The following KIF3B variants were observed in gnomAD, a reference collection of about 807,000 sequenced individuals.
KIF3B encodes the protein kinesin-like protein KIF3B.
A neutral mutation model predicts 74.3 loss-of-function variants in KIF3B; 38 were observed. The ratio of observed to expected loss-of-function variants is 0.51; its 90% confidence interval spans 0.39 to 0.67. KIF3B has a LOEUF of 0.67. Among genes scored for constraint, KIF3B ranks in the 30% least tolerant of loss-of-function variants. The probability of loss-of-function intolerance (pLI) is 0.00; values close to 1 mark genes in which losing one functional copy is unlikely to be tolerated. For synonymous variants in KIF3B, 326 were observed against 342.5 expected (o/e 0.95, Z 0.53); for missense variants, 649 against 932.0 (o/e 0.70, Z 3.95).
chr20:32,334,832 A>G lies in KIF3B; in HGVS notation c.*3513A>G, dbSNP rs17123202. 1,318 of 152,502 alleles carry G rather than the reference A, an allele frequency of 8.6e-3. 36 individuals carry two copies. The highest frequency in any genetic ancestry group is 0.072 in the East Asian group (373 of 5,178). The allele number at this position is 152,502 out of a possible 1,614,324, so 9.4% of individuals were successfully genotyped here. ...GTGGGCTTCATGGCTCCTTGAAGTTATTACTGATCTTGACCTTCTCTTTGG... is the reference window on the plus strand; with the variant it reads ...GTGGGCTTCATGGCTCCTTGAAGTTGTTACTGATCTTGACCTTCTCTTTGG... On this transcript the variant is annotated 3_prime_UTR_variant, in exon 9 of 9. Transcript: ENST00000375712.
chr20:32,309,651 T>C, intron 1 of KIF3B, 62 bp from the exon 2 acceptor site: 1 of 1,041,986 alleles, frequency 9.6e-7, no homozygotes, highest in Non-Finnish European at 1.4e-6. Flanking sequence ...GTGTGTCAGC[T>C]TCTGTCAGGC....
chr20:32,323,839 C>T (rs56375111), intron 5 of KIF3B, among the ~76,000 whole-genome samples: 2 of 152,080 alleles, frequency 1.3e-5, no homozygotes, highest in Admixed American at 1.3e-4. Context: ...GATTGTGCCA[C>T]TGCACTCCAG....
intron 7 of KIF3B, among the ~76,000 whole-genome samples, chr20:32,329,801 CTT>C (rs1269713766): frequency 1.3e-5 from 2 of 151,896 alleles, no homozygotes; most frequent in African/African-American, 4.8e-5. Context: ...CAATAGGGAA[CTT>C]GTATTATTTT....
intron 1 of KIF3B, among the ~76,000 whole-genome samples, chr20:32,299,403 A>ATATATATATATATATTTTTTTTTT (rs1555895046): frequency 1.1e-4 from 1 of 9,026 alleles, no homozygotes; most frequent in African/African-American, 6.1e-4. Flanking sequence ...ATATATATAT[A>ATATATATATATATATTTTTTTTTT]TTTTTTTTTT....
chr20:32,325,651 C>CTT (rs2047899069), intron 5 of KIF3B, among the ~76,000 whole-genome samples: 12 of 101,080 alleles, frequency 1.2e-4, no homozygotes, highest in Non-Finnish European at 2.0e-4. Context: ...CTCTCTCTCT[C>CTT]TCTCTTTTTT....
At chr20:32,313,252 A>G (rs1355429570) in intron 2 of KIF3B, among the ~76,000 whole-genome samples, 1 of 152,156 alleles carries the variant, frequency 6.6e-6, no homozygotes, top group Non-Finnish European at 1.5e-5. Flanking sequence ...AGGAGAGTGC[A>G]AAGGTAGACT....
Position 32,309,718 on chromosome 20 carries a change from T to C in KIF3B, c.-60T>C, listed in dbSNP as rs1382649171. 1.0e-5 allele frequency: 16 copies of C among 1,559,558 alleles called. No individual in the cohort carries two copies. The Admixed American group carries it at 3.0e-4, about 29-fold the overall frequency. On this transcript the variant is annotated 5_prime_UTR_variant, in exon 2 of 9. The change abolishes the stop of an existing upstream ORF in the 5' untranslated region. Coordinates refer to ENST00000375712, the MANE Select transcript of KIF3B (RefSeq NM_004798.4). Reference sequence around the variant, plus strand: ...TACTTTTGCTTTTTCTCTAGGACCGTAGCATCCTGAGACATTTTGAATTGA... The same window carrying C: ...TACTTTTGCTTTTTCTCTAGGACCGCAGCATCCTGAGACATTTTGAATTGA...
rs2047870016 is a variant in KIF3B at position 32,322,714 on chromosome 20, A to ATT, written c.1749-4056_1749-4055insTT. ...TTTATATATATTTATATATTTATAT[A>ATT]TATTTATATTTATTTATTTATATAT... is the stretch of plus-strand genomic sequence containing the variant. On this transcript the variant is annotated intron_variant, in intron 5 of 8. Transcript: ENST00000375712. Among the ~76,000 whole-genome samples, 3 of 67,870 alleles carry ATT rather than the reference A, an allele frequency of 4.4e-5. 1 individual carries two copies. The highest frequency in any genetic ancestry group is 5.4e-4 in the Admixed American group (2 of 3,704). The allele number at this position is 67,870 out of a possible 152,430, so 44.5% of individuals were successfully genotyped here.
chr20:32,330,543 G>A lies in KIF3B; in HGVS notation c.2147+224G>A, dbSNP rs372951129. Among the ~76,000 whole-genome samples the A allele has an allele frequency of 6.5e-4, 99 of 152,290 alleles. 1 individual carries two copies. The highest frequency in any genetic ancestry group is 2.2e-3 in the African/African-American group (93 of 41,554). ...TAATGTCCCCAGTCCCTTACTATAA[G>A]GTGAATGTGTTCTAGTGAAATAGCA... On this transcript the variant is annotated intron_variant, in intron 8 of 8. Coordinates refer to ENST00000375712, the MANE Select transcript of KIF3B (RefSeq NM_004798.4).
chr20:32,298,554 A>G (rs1022603866), intron 1 of KIF3B, among the ~76,000 whole-genome samples: 2 of 152,256 alleles, frequency 1.3e-5, no homozygotes, highest in Non-Finnish European at 2.9e-5. Context: ...AAAGTATTAC[A>G]GATAAAGTTG....
At chr20:32,308,905 T>TG (rs2047786041) in intron 1 of KIF3B, among the ~76,000 whole-genome samples, 1 of 150,834 alleles carries the variant, frequency 6.6e-6, no homozygotes, top group Non-Finnish European at 1.5e-5. Context: ...TTAGTAGAGA[T>TG]GGGGTTTCAC....
intron 5 of KIF3B, among the ~76,000 whole-genome samples, chr20:32,323,134 TTACATATATTTATATATTTATATTTA>T (rs2047883328): frequency 2.8e-5 from 2 of 70,592 alleles, no homozygotes; most frequent in Admixed American, 3.6e-4. Flanking sequence ...ATTTATATAT[TTACATATATTTATATATTTATATTTA>T]TATATTTATA....
intron 5 of KIF3B, among the ~76,000 whole-genome samples, chr20:32,322,802 T>TTATATATATTTA (rs1569207936): frequency 3.6e-4 from 17 of 47,384 alleles, no homozygotes; most frequent in African/African-American, 2.4e-3. Context: ...ATATATATAT[T>TTATATATATTTA]TATATATATT....
intron 1 of KIF3B, among the ~76,000 whole-genome samples, chr20:32,280,316 A>G (rs2047636182): frequency 6.6e-6 from 1 of 152,176 alleles, no homozygotes; most frequent in Non-Finnish European, 1.5e-5. Flanking sequence ...CCATAATGTC[A>G]TTGCAAGCAT....
intron 1 of KIF3B, among the ~76,000 whole-genome samples, chr20:32,300,408 G>C (rs2047737781): frequency 6.6e-6 from 1 of 152,040 alleles, no homozygotes; most frequent in South Asian, 2.1e-4. Context: ...CTCCCGAGTA[G>C]CTGGGACTGC....
chr20:32,306,955 T>C (rs1318259277), intron 1 of KIF3B, among the ~76,000 whole-genome samples: 2 of 152,172 alleles, frequency 1.3e-5, no homozygotes, highest in Admixed American at 1.3e-4. Context: ...AAGCTGCTAC[T>C]GTTACTACCT....
At chr20:32,283,963 TG>T (rs561179146) in intron 1 of KIF3B, among the ~76,000 whole-genome samples, 7 of 150,094 alleles carry the variant, frequency 4.7e-5, no homozygotes, top group Non-Finnish European at 1.0e-4. Context: ...TTGCCCAGGC[TG>T]GAGTGCAGTG....
intron 1 of KIF3B, among the ~76,000 whole-genome samples, chr20:32,298,486 T>C (rs939222372): frequency 6.6e-5 from 10 of 151,666 alleles, no homozygotes; most frequent in Non-Finnish European, 2.9e-5. Context: ...ATCAGCAAAG[T>C]AAGGGAAATG....
At position 32,316,892 on chromosome 20, in the gene KIF3B, C is replaced by A; in HGVS notation, c.1748+18C>A. 1.3e-6 allele frequency: 2 copies of A among 1,531,190 alleles called. No homozygotes were observed. Among genetic ancestry groups the A allele is most frequent in the Non-Finnish European group, 1.8e-6 (2 of 1,105,196 alleles). The allele number at this position is 1,531,190 out of a possible 1,614,324, so 94.9% of individuals were successfully genotyped here. ...AAACTCAAGTAAGTGCCAGGCCTTC[C>A]ATAGTGCCCCCAAGCCACTTGCTGA... On this transcript the variant is annotated intron_variant, in intron 5 of 8. Coordinates refer to ENST00000375712, the MANE Select transcript of KIF3B (RefSeq NM_004798.4).
Sources: gnomAD v4.1 joint callset for allele counts (sites outside exome capture counted in the v4.1 genomes callset) on GRCh38, gnomAD v4.1.1 for gene constraint, MANE v1.5 for transcripts, NCBI Gene and HGNC (gene_info 2026-07-23, HGNC 2026-07-21) for gene names.